ZEB1: variants seen among roughly 807,000 people sequenced by gnomAD.
The protein encoded by ZEB1 is zinc finger E-box-binding homeobox 1.
In ZEB1, 21 loss-of-function variants were observed where a neutral mutation model predicts 84.9. The ratio of observed to expected loss-of-function variants is 0.25; its 90% confidence interval spans 0.18 to 0.36. The LOEUF is 0.36. Ranked by LOEUF, ZEB1 falls within the 10% of genes least tolerant of loss-of-function variation. The pLI is 1.00. For synonymous variants in ZEB1, 420 were observed against 471.1 expected (o/e 0.89, Z 1.41); for missense variants, 1,104 against 1,330.2 (o/e 0.83, Z 2.65).
chr10:31,319,167 G>GGGGTGGGGGGGAAGGGGGA, upstream of ZEB1: 5 of 1,148,374 alleles, frequency 4.4e-6, no homozygotes, highest in Non-Finnish European at 6.1e-6. Flanking sequence ...TGGAGGCGGA[G>GGGGTGGGGGGGAAGGGGGA]GGGTGGGGGG....
chr10:31,404,385 T>C (rs963578528), intron 1 of ZEB1, among the ~76,000 whole-genome samples: 1 of 152,162 alleles, frequency 6.6e-6, no homozygotes, highest in Non-Finnish European at 1.5e-5. Context: ...ATGCAAGTAT[T>C]CATTTACTGA....
At chr10:31,430,189 C>T (rs1376009586) in intron 1 of ZEB1, among the ~76,000 whole-genome samples, 1 of 152,056 alleles carries the variant, frequency 6.6e-6, no homozygotes, top group East Asian at 1.9e-4. Context: ...TAATCGTAGG[C>T]AATTTAAGAT....
rs555025948 is a variant in ZEB1, at chr10:31,394,438, C to T, written c.59-66599C>T. ...ATATAGAAGCATTAGCATACTGCTT[C>T]GTGAATTTTCACAGACTTAGCACAC... On this transcript the variant is annotated intron_variant, in intron 1 of 8. Coordinates refer to ENST00000424869, the MANE Select transcript of ZEB1 (RefSeq NM_001174096.2). 3.0e-4 allele frequency among the ~76,000 whole-genome samples: 45 copies of T among 152,164 alleles called. 1 individual carries two copies. Among genetic ancestry groups the T allele is most frequent in the African/African-American group, 1.0e-3 (42 of 41,524 alleles).
At chr10:31,422,118 A>G (rs2056263082) in intron 1 of ZEB1, among the ~76,000 whole-genome samples, 1 of 152,146 alleles carries the variant, frequency 6.6e-6, no homozygotes, top group Non-Finnish European at 1.5e-5. Flanking sequence ...ACCAGCATGT[A>G]TTAAAGTCAC....
intron 1 of ZEB1, among the ~76,000 whole-genome samples, chr10:31,391,605 C>T (rs1009346472): frequency 2.0e-5 from 3 of 152,126 alleles, no homozygotes; most frequent in Non-Finnish European, 4.4e-5. Flanking sequence ...AGATGTTCAG[C>T]CTTGCTTAGC....
chr10:31,391,231 T>C (rs202062212), intron 1 of ZEB1, among the ~76,000 whole-genome samples: 1 of 134,690 alleles, frequency 7.4e-6, no homozygotes, highest in Admixed American at 7.5e-5. Flanking sequence ...ACAGGTAAGT[T>C]TGTGTGTGTG....
chr10:31,434,794 AGGT>A (rs2058100811), intron 1 of ZEB1, among the ~76,000 whole-genome samples: 1 of 152,210 alleles, frequency 6.6e-6, no homozygotes, highest in South Asian at 2.1e-4. Context: ...GAGTCAGGAA[AGGT>A]CAAGAAGAGC....
chr10:31,359,556 T>G (rs2042652387), intron 1 of ZEB1, among the ~76,000 whole-genome samples: 1 of 152,158 alleles, frequency 6.6e-6, no homozygotes, highest in Non-Finnish European at 1.5e-5. Flanking sequence ...ATTAAGAACC[T>G]TATACCTTTT....
Position 31,378,158 on chromosome 10 carries a change from T to C in ZEB1, c.58+58866T>C, listed in dbSNP as rs576116016. On this transcript the variant is annotated intron_variant, in intron 1 of 8. Transcript: ENST00000424869. ...CGTCTGCTTTACCAAATGTTCTCAC[T>C]GAATCACTACTCCTAAAAAGGCGGG... Among the ~76,000 whole-genome samples, 5 of 151,644 alleles carry C rather than the reference T, an allele frequency of 3.3e-5. No individual in the cohort carries two copies. The East Asian group carries it at 9.6e-4, about 29-fold the overall frequency.
At chr10:31,365,121 C>G (rs570336325) in intron 1 of ZEB1, among the ~76,000 whole-genome samples, 6 of 152,296 alleles carry the variant, frequency 3.9e-5, no homozygotes, top group Admixed American at 6.5e-5. Flanking sequence ...AGAAATTTGC[C>G]AGTGGATTAT....
At chr10:31,358,939 A>G (rs899990948) in intron 1 of ZEB1, among the ~76,000 whole-genome samples, 1 of 152,060 alleles carries the variant, frequency 6.6e-6, no homozygotes, top group African/African-American at 2.4e-5. Context: ...ACTTTTTATT[A>G]TTTGTTTCTC....
At chr10:31,391,020 A>C (rs1349701729) in intron 1 of ZEB1, among the ~76,000 whole-genome samples, 2 of 152,218 alleles carry the variant, frequency 1.3e-5, no homozygotes, top group Non-Finnish European at 1.5e-5. Flanking sequence ...CTTTTCCTTC[A>C]CAAGGTGCAT....
chr10:31,346,874 C>T (rs980250913), intron 1 of ZEB1, among the ~76,000 whole-genome samples: 1 of 151,962 alleles, frequency 6.6e-6, no homozygotes, highest in African/African-American at 2.4e-5. Context: ...AAGTCTTTTC[C>T]TTGGGGTTAA....
At chr10:31,479,470 CTG>C (rs1426671772) in intron 2 of ZEB1, among the ~76,000 whole-genome samples, 1 of 151,822 alleles carries the variant, frequency 6.6e-6, no homozygotes, top group Non-Finnish European at 1.5e-5. Context: ...GCCAGCATCT[CTG>C]GTGAAGGTAA....
intron 1 of ZEB1, among the ~76,000 whole-genome samples, chr10:31,327,762 C>T (rs1031119374): frequency 6.6e-6 from 1 of 152,104 alleles, no homozygotes. Flanking sequence ...CCATTTTTTA[C>T]GCTCACCAAC....
intron 1 of ZEB1, among the ~76,000 whole-genome samples, chr10:31,449,208 G>T (rs948391287): frequency 6.6e-6 from 1 of 152,188 alleles, no homozygotes; most frequent in Non-Finnish European, 1.5e-5. Flanking sequence ...TCTTTGACTC[G>T]GAAAGGGAAC....
At chr10:31,455,472 G>C (rs2061096175) in intron 1 of ZEB1, among the ~76,000 whole-genome samples, 1 of 152,152 alleles carries the variant, frequency 6.6e-6, no homozygotes, top group Non-Finnish European at 1.5e-5. Context: ...AGAGTGAATA[G>C]GCAACCTACA....
intron 1 of ZEB1, among the ~76,000 whole-genome samples, chr10:31,453,559 A>T (rs551912932): frequency 2.2e-4 from 34 of 152,192 alleles, no homozygotes; most frequent in Admixed American, 4.6e-4. Context: ...TTTAATTACT[A>T]TAGTTGATAC....
At chr10:31,451,670 C>G (rs903526793) in intron 1 of ZEB1, among the ~76,000 whole-genome samples, 3 of 152,160 alleles carry the variant, frequency 2.0e-5, no homozygotes, top group African/African-American at 7.2e-5. Flanking sequence ...AATTTAATCT[C>G]TTGAGGACTT....
Sources: gnomAD v4.1 joint callset for allele counts (sites outside exome capture counted in the v4.1 genomes callset) on GRCh38, gnomAD v4.1.1 for gene constraint, MANE v1.5 for transcripts, NCBI Gene and HGNC (gene_info 2026-07-23, HGNC 2026-07-21) for gene names.